CNTNAP2: variants seen among roughly 807,000 people sequenced by gnomAD.
The protein encoded by CNTNAP2 is contactin-associated protein-like 2.
CNTNAP2 carries 98 observed loss-of-function variants against 155.2 expected under a neutral mutation model. That is an observed-to-expected ratio of 0.63 (90% CI 0.54 to 0.75). CNTNAP2 has a LOEUF of 0.75. Among genes scored for constraint, CNTNAP2 ranks in the 30% least tolerant of loss-of-function variants. CNTNAP2 has a pLI of 0.00. For missense variants in CNTNAP2, 1,727 were observed against 1,688.1 expected, an observed-to-expected ratio of 1.02 and a Z score of -0.40; for synonymous variants, 651 against 631.2, an observed-to-expected ratio of 1.03 and a Z score of -0.47.
chr7:147,127,011 T>G (rs186090578), intron 6 of CNTNAP2, among the ~76,000 whole-genome samples: 34 of 152,232 alleles, frequency 2.2e-4, no homozygotes, highest in African/African-American at 7.9e-4. Flanking sequence ...TAAAGAAATA[T>G]GCACACAGAG....
chr7:147,171,530 G>A (rs1460682032), intron 8 of CNTNAP2, among the ~76,000 whole-genome samples: 1 of 152,106 alleles, frequency 6.6e-6, no homozygotes, highest in Non-Finnish European at 1.5e-5. Flanking sequence ...AGAATCTGTT[G>A]GTTAACCAAA....
At chr7:147,147,064 A>G (rs1801720085) in intron 8 of CNTNAP2, among the ~76,000 whole-genome samples, 2 of 152,170 alleles carry the variant, frequency 1.3e-5, no homozygotes, top group South Asian at 4.1e-4. Flanking sequence ...ACAGTTCTAC[A>G]TGACTGGGGA....
intron 1 of CNTNAP2, among the ~76,000 whole-genome samples, chr7:146,250,825 T>C (rs926820596): frequency 6.6e-6 from 1 of 152,084 alleles, no homozygotes; most frequent in African/African-American, 2.4e-5. Context: ...TCATTCTAGA[T>C]TGAGGAGGAT....
intron 2 of CNTNAP2, among the ~76,000 whole-genome samples, chr7:146,799,347 C>A (rs902341533): frequency 3.3e-5 from 5 of 152,112 alleles, no homozygotes; most frequent in Admixed American, 6.5e-5. Flanking sequence ...CCCTAGGTGA[C>A]GTCTCCTTAA....
chr7:146,821,641 C>T (rs926741863), intron 2 of CNTNAP2, among the ~76,000 whole-genome samples: 2 of 152,036 alleles, frequency 1.3e-5, no homozygotes, highest in Middle Eastern at 3.4e-3. Flanking sequence ...AACAAACAAC[C>T]CCATCAAAAA....
At chr7:146,721,326 TACATTCTATATAC>T (rs1358642926) in intron 1 of CNTNAP2, among the ~76,000 whole-genome samples, 16 of 129,696 alleles carry the variant, frequency 1.2e-4, no homozygotes, top group Admixed American at 2.5e-4. Flanking sequence ...ATTCTATATA[TACATTCTATATAC>T]ATTCTATATA....
chr7:146,335,752 A>T (rs376440690), intron 1 of CNTNAP2, among the ~76,000 whole-genome samples: 1 of 152,194 alleles, frequency 6.6e-6, no homozygotes, highest in East Asian at 1.9e-4. Flanking sequence ...TTTAGGTCAC[A>T]TGCATTTCCA....
intron 1 of CNTNAP2, among the ~76,000 whole-genome samples, chr7:146,638,275 T>C (rs1799632613): frequency 6.6e-6 from 1 of 152,132 alleles, no homozygotes; most frequent in South Asian, 2.1e-4. Flanking sequence ...ATCCCTGCAG[T>C]GTTCAGTTCC....
intron 11 of CNTNAP2, among the ~76,000 whole-genome samples, chr7:147,505,308 T>C (rs1178196152): frequency 1.3e-5 from 2 of 149,592 alleles, no homozygotes; most frequent in Non-Finnish European, 2.9e-5. Context: ...AAGCAATTAA[T>C]TCTATTATTT....
At chr7:147,527,685 A>C (rs1302552159) in intron 11 of CNTNAP2, among the ~76,000 whole-genome samples, 5 of 152,234 alleles carry the variant, frequency 3.3e-5, no homozygotes, top group African/African-American at 1.2e-4. Context: ...AGGTGAGACC[A>C]GGCAGGCACA....
At chr7:147,019,556 T>A (rs1309265432) in intron 3 of CNTNAP2, among the ~76,000 whole-genome samples, 1 of 152,100 alleles carries the variant, frequency 6.6e-6, no homozygotes, top group Admixed American at 6.6e-5. Context: ...GGTAGAGCTG[T>A]CAGTATTGGA....
chr7:147,621,874 G>A (rs1794864223), intron 12 of CNTNAP2, among the ~76,000 whole-genome samples: 1 of 151,896 alleles, frequency 6.6e-6, no homozygotes, highest in South Asian at 2.1e-4. Flanking sequence ...TTGATCTGTT[G>A]CCTACAAGGA....
At chr7:146,865,261 T>G (rs7811958) in intron 3 of CNTNAP2, among the ~76,000 whole-genome samples, 20,326 of 151,984 alleles carry the variant, frequency 0.13, 1,600 homozygotes, top group African/African-American at 0.19. Flanking sequence ...AATTGTAAAA[T>G]ATGTTAACTT....
chr7:147,920,108 C>T (rs1271571559), intron 14 of CNTNAP2, among the ~76,000 whole-genome samples: 1 of 151,652 alleles, frequency 6.6e-6, no homozygotes, highest in Non-Finnish European at 1.5e-5. Flanking sequence ...CCTGTAATCC[C>T]AGCACTTTGG....
chr7:146,232,968 C>T (rs573082319), intron 1 of CNTNAP2, among the ~76,000 whole-genome samples: 3 of 152,242 alleles, frequency 2.0e-5, no homozygotes, highest in African/African-American at 7.2e-5. Flanking sequence ...ATTATTCCAT[C>T]TCTCACTCTA....
rs1441110081 is a variant in CNTNAP2, at chr7:148,417,565, G to A, written c.*1949G>A. On this transcript the variant is annotated 3_prime_UTR_variant, in exon 24 of 24. Transcript: ENST00000361727. ...TAATATCACTAAATATCAGAACAAT[G>A]TAACATTTACAAATGACATATTGAA... 1 of 152,252 alleles carries A rather than the reference G, an allele frequency of 6.6e-6. No individual in the cohort carries two copies. Among genetic ancestry groups the A allele is most frequent in the Non-Finnish European group, 1.5e-5 (1 of 68,030 alleles). 9.4% of individuals were successfully genotyped at this position (152,252 alleles called of 1,614,324 possible).
chr7:146,598,187 T>A (rs1268558269), intron 1 of CNTNAP2, among the ~76,000 whole-genome samples: 1 of 152,154 alleles, frequency 6.6e-6, no homozygotes, highest in Admixed American at 6.6e-5. Context: ...TTCTGCTGTC[T>A]GGGCACCATC....
intron 9 of CNTNAP2, among the ~76,000 whole-genome samples, chr7:147,328,591 T>C (rs1359622087): frequency 1.3e-5 from 2 of 152,230 alleles, no homozygotes; most frequent in African/African-American, 4.8e-5. Context: ...ATTCTTAAAC[T>C]GATAATTTAT....
chr7:147,380,483 C>T (rs895716063), intron 9 of CNTNAP2, among the ~76,000 whole-genome samples: 2 of 151,838 alleles, frequency 1.3e-5, no homozygotes, highest in Admixed American at 1.3e-4. Flanking sequence ...ATAACAAACA[C>T]CATAACAACA....
Sources: allele counts gnomAD v4.1 joint callset (sites outside exome capture counted in the v4.1 genomes callset), GRCh38; gene constraint gnomAD v4.1.1; transcripts MANE v1.5; gene names NCBI Gene and HGNC (gene_info 2026-07-23, HGNC 2026-07-21).